Variants in ATP13A4 observed in about 807,000 individuals in gnomAD.
ATP13A4 encodes probable cation-transporting ATPase 13A4.
In ATP13A4, 114 loss-of-function variants were observed where a neutral mutation model predicts 142.5. The ratio of observed to expected loss-of-function variants is 0.80; its 90% confidence interval spans 0.69 to 0.93. The LOEUF is 0.93. Among genes scored for constraint, ATP13A4 ranks in the 40% least tolerant of loss-of-function variants. ATP13A4 has a pLI of 0.00. For missense variants in ATP13A4, 1,392 were observed against 1,454.0 expected, an observed-to-expected ratio of 0.96 and a Z score of 0.69; for synonymous variants, 488 against 514.8, an observed-to-expected ratio of 0.95 and a Z score of 0.70.
At chr3:193,588,520 T>G (rs1330378710) in intron 1 of ATP13A4, among the ~76,000 whole-genome samples, 1 of 152,226 alleles carries the variant, frequency 6.6e-6, no homozygotes, top group Non-Finnish European at 1.5e-5. Flanking sequence ...GAAGTATCCT[T>G]TCAAAGAATC....
At chr3:193,482,286 A>G (rs781036865) in intron 8 of ATP13A4, among the ~76,000 whole-genome samples, 1 of 152,210 alleles carries the variant, frequency 6.6e-6, no homozygotes, top group Non-Finnish European at 1.5e-5. Context: ...AACAAAATTC[A>G]AAATGTAATA....
At chr3:193,584,811 C>T (rs540776636) in intron 1 of ATP13A4, among the ~76,000 whole-genome samples, 36 of 152,270 alleles carry the variant, frequency 2.4e-4, no homozygotes, top group African/African-American at 7.7e-4. Flanking sequence ...TTCTTCATAG[C>T]TTTTTAATGT....
chr3:193,591,437 C>A (rs1560294052), intron 1 of ATP13A4, among the ~76,000 whole-genome samples: 1 of 152,214 alleles, frequency 6.6e-6, no homozygotes, highest in Non-Finnish European at 1.5e-5. Context: ...GTTTATTATA[C>A]AACAGTTTGC....
At chr3:193,456,135 A>G (rs975666585) in intron 16 of ATP13A4, among the ~76,000 whole-genome samples, 1 of 152,202 alleles carries the variant, frequency 6.6e-6, no homozygotes, top group Non-Finnish European at 1.5e-5. Context: ...AAGTTTACCT[A>G]TGTAACAAAC....
Position 193,571,959 on chromosome 3 carries a change from G to A in ATP13A4, n.291+9748C>T, listed in dbSNP as rs1273289550. ...CTAACACATCAGTCTTGGTTTACTT[G>A]TTGTAATAAATGCACCATACTAATG... On this transcript the variant is annotated intron_variant and non_coding_transcript_variant, in intron 2 of 3. Coordinates refer to the ATP13A4 transcript ENST00000489140. Among the ~76,000 whole-genome samples, 3 of 152,172 alleles carry A rather than the reference G, an allele frequency of 2.0e-5. No homozygotes were observed. In the East Asian group the frequency reaches 5.8e-4, roughly 29 times the overall value.
At chr3:193,528,362 G>A (rs1016845239) in intron 1 of ATP13A4, among the ~76,000 whole-genome samples, 4 of 152,310 alleles carry the variant, frequency 2.6e-5, no homozygotes, top group Middle Eastern at 6.8e-3. Context: ...CCTTGTGGAA[G>A]GTTTCTTGAA....
chr3:193,418,761 C>T (rs1715252292), intron 25 of ATP13A4, among the ~76,000 whole-genome samples: 1 of 149,960 alleles, frequency 6.7e-6, no homozygotes, highest in Non-Finnish European at 1.5e-5. Flanking sequence ...TGTGCCCTTC[C>T]CCCTGTGGCC....
At chr3:193,513,989 G>A (rs886354043) in intron 2 of ATP13A4, among the ~76,000 whole-genome samples, 2 of 152,174 alleles carry the variant, frequency 1.3e-5, no homozygotes, top group Admixed American at 1.3e-4. Flanking sequence ...TTAACATGTG[G>A]TTGTTCCCTG....
At chr3:193,474,481 A>G (rs902094476) in intron 8 of ATP13A4, among the ~76,000 whole-genome samples, 12 of 151,348 alleles carry the variant, frequency 7.9e-5, no homozygotes, top group Non-Finnish European at 1.3e-4. Context: ...GGCTGCAGTG[A>G]GCTATGACTG....
rs548933747 is a variant in ATP13A4 at position 193,469,984 on chromosome 3, CTTT to C, written c.943+872_943+874del. On this transcript the variant is annotated intron_variant, in intron 9 of 29. Coordinates refer to ENST00000342695, the MANE Select transcript of ATP13A4 (RefSeq NM_032279.4). ...TGCCATGGTCTGCGACACATCTATT[CTTT>C]GTAAGCTAACATAGGAAGAAGGTGT... Among the ~76,000 whole-genome samples the C allele has an allele frequency of 3.4e-3, 512 of 152,278 alleles. 6 individuals are homozygous for C. The highest frequency in any genetic ancestry group is 0.02 in the Middle Eastern group (6 of 294).
chr3:193,410,267 T>TA (rs965900077), intron 28 of ATP13A4, among the ~76,000 whole-genome samples: 9 of 147,722 alleles, frequency 6.1e-5, no homozygotes, highest in African/African-American at 1.0e-4. Context: ...TTTAAAGCCG[T>TA]AAAAAAATAC....
intron 29 of ATP13A4, chr3:193,403,859 A>C: frequency 1.0e-6 from 1 of 985,412 alleles, no homozygotes. Flanking sequence ...ACTGATTTTC[A>C]TGTCTATCTT....
chr3:193,458,635 G>T (rs1331851042), intron 14 of ATP13A4: 2 of 189,290 alleles, frequency 1.1e-5, no homozygotes, highest in African/African-American at 4.7e-5. Flanking sequence ...AAATCAATAT[G>T]AAATTAATAG....
At chr3:193,565,029 G>A (rs1724104187) in intron 2 of ATP13A4, among the ~76,000 whole-genome samples, 1 of 152,136 alleles carries the variant, frequency 6.6e-6, no homozygotes, top group South Asian at 2.1e-4. Flanking sequence ...AACAAGCTCA[G>A]GGCTCCCACT....
chr3:193,438,309 C>T (rs914871852), intron 23 of ATP13A4, among the ~76,000 whole-genome samples, 166 bp downstream of exon 23: 2 of 152,140 alleles, frequency 1.3e-5, no homozygotes, highest in African/African-American at 4.8e-5. Flanking sequence ...TTATTGTTAA[C>T]TTCTGGAAAA....
chr3:193,541,148 C>A (rs1390994562), intron 1 of ATP13A4, among the ~76,000 whole-genome samples: 1 of 149,218 alleles, frequency 6.7e-6, no homozygotes, highest in Admixed American at 6.8e-5. Flanking sequence ...ACTCGGGAGG[C>A]TGAGGCAGGA....
chr3:193,463,976 C>G (rs1472404846), intron 12 of ATP13A4, among the ~76,000 whole-genome samples: 1 of 152,122 alleles, frequency 6.6e-6, no homozygotes, highest in African/African-American at 2.4e-5. Context: ...AAGAAGTTCT[C>G]AAAATGAATA....
intron 1 of ATP13A4, among the ~76,000 whole-genome samples, chr3:193,521,494 A>T (rs187492360): frequency 6.6e-6 from 1 of 152,342 alleles, no homozygotes; most frequent in Non-Finnish European, 1.5e-5. Flanking sequence ...TTAATGCCTT[A>T]CAGGAGTTCC....
At chr3:193,477,101 C>A (rs553653131) in intron 8 of ATP13A4, among the ~76,000 whole-genome samples, 2 of 151,880 alleles carry the variant, frequency 1.3e-5, no homozygotes, top group South Asian at 2.1e-4. Context: ...AAGCAAGGGG[C>A]AATAAAACAA....
Sources: allele counts gnomAD v4.1 joint callset (sites outside exome capture counted in the v4.1 genomes callset), GRCh38; gene constraint gnomAD v4.1.1; transcripts MANE v1.5; gene names NCBI Gene and HGNC (gene_info 2026-07-23, HGNC 2026-07-21).